Variants in WASF3 observed in about 807,000 individuals in gnomAD.
WASF3 encodes the protein actin-binding protein WASF3.
In WASF3, 11 loss-of-function variants were observed where a neutral mutation model predicts 46.6. The observed-to-expected ratio is 0.24, with a 90% CI of 0.15 to 0.39. The LOEUF is 0.39. Among genes scored for constraint, WASF3 ranks in the 10% least tolerant of loss-of-function variants. The pLI, the probability that WASF3 is intolerant of heterozygous loss-of-function variation, is 1.00. For synonymous variants in WASF3, 242 were observed against 259.7 expected, an observed-to-expected ratio of 0.93 and a Z score of 0.65; for missense variants, 576 against 669.8, an observed-to-expected ratio of 0.86 and a Z score of 1.55.
At chr13:26,605,520 GA>G (rs921498954) in intron 1 of WASF3, among the ~76,000 whole-genome samples, 28 of 151,768 alleles carry the variant, frequency 1.8e-4, no homozygotes, top group African/African-American at 5.3e-4. Flanking sequence ...TGCATTTGGG[GA>G]AAAAAAATAA....
At chr13:26,673,341 A>G (rs73494712) in intron 6 of WASF3, among the ~76,000 whole-genome samples, 3,091 of 152,220 alleles carry the variant, frequency 0.02, 119 homozygotes, top group African/African-American at 0.07. Context: ...CCTTCCTCAA[A>G]CACATAAAAT....
At chr13:26,619,631 G>A (rs928990980) in intron 2 of WASF3, 3 of 151,130 alleles carry the variant, frequency 2.0e-5, no homozygotes, top group African/African-American at 7.4e-5. Context: ...GGGGTCTGAA[G>A]CTTATGCATG....
rs978022207 is a variant in WASF3, at chr13:26,661,874, C to T, written c.134-3154C>T. ...TTAAAACTGTTAAAATGATTGAAAT[C>T]ATGGCAGATTTGTAAGAGGAGAAAT... On this transcript the variant is annotated intron_variant, in intron 3 of 9. Coordinates refer to ENST00000335327, the MANE Select transcript of WASF3 (RefSeq NM_006646.6). Among the ~76,000 whole-genome samples the T allele has an allele frequency of 3.9e-5, 6 of 152,270 alleles. No individual in the cohort carries two copies. The South Asian group carries it at 1.0e-3, about 26-fold the overall frequency.
intron 2 of WASF3, among the ~76,000 whole-genome samples, chr13:26,631,915 T>A (rs1021526782): frequency 6.6e-6 from 1 of 152,226 alleles, no homozygotes; most frequent in African/African-American, 2.4e-5. Flanking sequence ...TTCCTAGGTA[T>A]TTTATTCTCT....
At chr13:26,571,153 TAA>T (rs1038821431) in intron 1 of WASF3, among the ~76,000 whole-genome samples, 2 of 152,338 alleles carry the variant, frequency 1.3e-5, no homozygotes, top group African/African-American at 4.8e-5. Flanking sequence ...GTTCATTTTT[TAA>T]AAGTTTTTCT....
chr13:26,578,011 T>G (rs969874060), intron 1 of WASF3, among the ~76,000 whole-genome samples: 1 of 152,214 alleles, frequency 6.6e-6, no homozygotes, highest in Non-Finnish European at 1.5e-5. Context: ...GTGGATTCCT[T>G]AGACTTTTTT....
chr13:26,649,061 G>T (rs371719261), intron 3 of WASF3, among the ~76,000 whole-genome samples: 1 of 152,122 alleles, frequency 6.6e-6, no homozygotes, highest in South Asian at 2.1e-4. Context: ...TGAATTTTCA[G>T]TTCTGGCTAT....
Position 26,608,637 on chromosome 13 carries a change from C to G in WASF3, c.-108-4324C>G, listed in dbSNP as rs187638907. Among the ~76,000 whole-genome samples, 5 of 152,216 alleles carry G rather than the reference C, an allele frequency of 3.3e-5. No homozygotes were observed. The East Asian group carries it at 9.7e-4, about 29-fold the overall frequency. On this transcript the variant is annotated intron_variant, in intron 1 of 9. Coordinates refer to ENST00000335327, the MANE Select transcript of WASF3 (RefSeq NM_006646.6). Reference sequence around the variant, plus strand: ...GTGTTGAATTGTATGGTGGGGCCAGCTAAAATGTGTTCATACTGGCTCTGA... The same window carrying G: ...GTGTTGAATTGTATGGTGGGGCCAGGTAAAATGTGTTCATACTGGCTCTGA...
At position 26,566,745 on chromosome 13, in the gene WASF3, G is replaced by A. The variant is rs556572431; in HGVS notation, c.-109+8926G>A. On this transcript the variant is annotated intron_variant, in intron 1 of 9. Transcript: ENST00000335327. ...CACATTGCTTCTCATCCTACTAGCC[G>A]TACTCAGACATGGCCTCTCTTAGCT... Among the ~76,000 whole-genome samples the A allele has an allele frequency of 3.9e-5, 6 of 152,286 alleles. No individual in the cohort carries two copies. In the South Asian group the frequency reaches 6.2e-4, roughly 16 times the overall value.
chr13:26,567,856 AAG>A (rs1483662542), intron 1 of WASF3, among the ~76,000 whole-genome samples: 5 of 152,230 alleles, frequency 3.3e-5, no homozygotes, highest in South Asian at 2.1e-4. Context: ...GAAGCACGTG[AAG>A]AGAGAGAATA....
intron 1 of WASF3, among the ~76,000 whole-genome samples, chr13:26,598,786 G>A (rs1298277881): frequency 6.6e-6 from 1 of 152,188 alleles, no homozygotes; most frequent in African/African-American, 2.4e-5. Context: ...TAGCCTTTCT[G>A]GACAGTGGTG....
chr13:26,547,046 ACTT>A, the WASF3 span, among the ~76,000 whole-genome samples: 1 of 151,676 alleles, frequency 6.6e-6, no homozygotes, highest in Non-Finnish European at 1.5e-5. Flanking sequence ...AGGGGCCATT[ACTT>A]CTTCTAAGCA....
intron 1 of WASF3, among the ~76,000 whole-genome samples, chr13:26,600,173 G>C (rs1880603091): frequency 6.6e-6 from 1 of 152,134 alleles, no homozygotes; most frequent in Admixed American, 6.5e-5. Context: ...AAGGTGAGTG[G>C]GATGGATACA....
chr13:26,685,569 T>C, intron 9 of WASF3, 119 bp from the exon 10 acceptor site: 4 of 1,267,158 alleles, frequency 3.2e-6, no homozygotes, highest in Non-Finnish European at 4.3e-6. Context: ...CTCAAATTTC[T>C]AAAACTTTCT....
intron 1 of WASF3, among the ~76,000 whole-genome samples, chr13:26,582,504 C>G (rs1880010906): frequency 6.6e-6 from 1 of 151,846 alleles, no homozygotes; most frequent in Non-Finnish European, 1.5e-5. Context: ...AGTGAAAACC[C>G]TGTCTCTACT....
intron 1 of WASF3, chr13:26,576,830 C>G: frequency 2.1e-6 from 1 of 481,044 alleles, no homozygotes; most frequent in East Asian, 3.9e-5. Flanking sequence ...GTGGTAACAT[C>G]CTACGTAACT....
chr13:26,639,419 A>G (rs1228816021), intron 2 of WASF3, among the ~76,000 whole-genome samples: 9 of 152,236 alleles, frequency 5.9e-5, no homozygotes. Flanking sequence ...TGGCTGTACA[A>G]TCAGCAAACA....
At chr13:26,636,124 T>TAGGG (rs1881810387) in intron 2 of WASF3, among the ~76,000 whole-genome samples, 1 of 152,148 alleles carries the variant, frequency 6.6e-6, no homozygotes, top group South Asian at 2.1e-4. Context: ...AGAGGTGGAG[T>TAGGG]CTATAGAGGC....
chr13:26,585,555 A>G (rs887855838), intron 1 of WASF3, among the ~76,000 whole-genome samples: 2 of 152,186 alleles, frequency 1.3e-5, no homozygotes, highest in Non-Finnish European at 2.9e-5. Context: ...CTCTTTGACT[A>G]AGTTAGATTG....
Sources: allele counts gnomAD v4.1 joint callset (sites outside exome capture counted in the v4.1 genomes callset), GRCh38; gene constraint gnomAD v4.1.1; transcripts MANE v1.5; gene names NCBI Gene and HGNC (gene_info 2026-07-23, HGNC 2026-07-21).